The following PTPN4 variants were observed in gnomAD, a reference collection of about 807,000 sequenced individuals.
The protein encoded by PTPN4 is tyrosine-protein phosphatase non-receptor type 4.
In PTPN4, 49 loss-of-function variants were observed where a neutral mutation model predicts 135.5. The observed-to-expected ratio is 0.36, with a 90% confidence interval of 0.29 to 0.46. PTPN4 has a LOEUF of 0.46. PTPN4 is among the 20% of genes least tolerant of loss of function. The probability of loss-of-function intolerance (pLI) is 1.00; values close to 1 mark genes in which losing one functional copy is unlikely to be tolerated. For synonymous variants in PTPN4, 333 were observed against 369.9 expected, an observed-to-expected ratio of 0.90 and a Z score of 1.14; for missense variants, 860 against 1,101.0, an observed-to-expected ratio of 0.78 and a Z score of 3.10.
At chr2:119,837,902 G>C (rs775780033) in intron 2 of PTPN4, among the ~76,000 whole-genome samples, 2 of 152,224 alleles carry the variant, frequency 1.3e-5, no homozygotes, top group Non-Finnish European at 2.9e-5. Flanking sequence ...GCCTGGGGCT[G>C]CCTGCCCTGG....
At chr2:119,913,609 G>A (rs1194825749) in intron 10 of PTPN4, among the ~76,000 whole-genome samples, 2 of 152,122 alleles carry the variant, frequency 1.3e-5, no homozygotes, top group Non-Finnish European at 2.9e-5. Context: ...GGGCAACATA[G>A]CGAAACCATG....
chr2:119,965,713 T>C (rs998150523), intron 25 of PTPN4, 68 bp downstream of exon 25: 31 of 1,509,836 alleles, frequency 2.1e-5, no homozygotes, highest in Non-Finnish European at 2.8e-5. Context: ...AGAGAGTACA[T>C]ATTTTGTCCT....
chr2:119,766,446 G>GCGCGCGCGCA (rs1173371228), intron 1 of PTPN4, among the ~76,000 whole-genome samples: 1 of 74,350 alleles, frequency 1.3e-5, no homozygotes, highest in African/African-American at 4.7e-5. Context: ...GCGCATGTGC[G>GCGCGCGCGCA]CGCGTGTGTG....
intron 13 of PTPN4, 82 bp downstream of exon 13, chr2:119,926,748 C>T: frequency 9.2e-7 from 1 of 1,085,348 alleles, no homozygotes; most frequent in South Asian, 1.6e-5. Context: ...AATATTTTTT[C>T]TAAAGTTTTT....
rs372266298 is a variant in PTPN4 at position 119,836,698 on chromosome 2, G to A, written c.139-25838G>A. Among the ~76,000 whole-genome samples, 10 of 152,362 alleles carry A rather than the reference G, an allele frequency of 6.6e-5. No homozygotes were observed. In the South Asian group the frequency reaches 2.1e-3, roughly 32 times the overall value. Reference sequence around the variant, plus strand: ...TCCAGGAAGCCCCTCAGCCCCTGCAGGCTTGGAAGTACCTGCTCCCACTGC... The same window carrying A: ...TCCAGGAAGCCCCTCAGCCCCTGCAAGCTTGGAAGTACCTGCTCCCACTGC... On this transcript the variant is annotated intron_variant, in intron 2 of 26. Coordinates refer to ENST00000263708, the MANE Select transcript of PTPN4 (RefSeq NM_002830.4).
chr2:119,836,210 T>C (rs191363543), intron 2 of PTPN4, among the ~76,000 whole-genome samples: 1 of 152,330 alleles, frequency 6.6e-6, no homozygotes, highest in African/African-American at 2.4e-5. Flanking sequence ...ACTTCATATG[T>C]GTATGACGAA....
Position 119,835,716 on chromosome 2 carries a change from G to GT in PTPN4, c.138+25731dup, listed in dbSNP as rs562057836. 6.7e-3 allele frequency among the ~76,000 whole-genome samples: 1,021 copies of GT among 152,162 alleles called. 6 individuals are homozygous for GT. The highest frequency in any genetic ancestry group is 8.5e-3 in the Non-Finnish European group (576 of 67,994). ...CCTGCCCAACCTATTAAATAATTATGTTTTTTCTTATATGGAAAATAGTCC... is the reference window on the plus strand; with the variant it reads ...CCTGCCCAACCTATTAAATAATTATGTTTTTTTCTTATATGGAAAATAGTCC... On this transcript the variant is annotated intron_variant, in intron 2 of 26. Transcript: ENST00000263708.
intron 8 of PTPN4, among the ~76,000 whole-genome samples, chr2:119,884,435 G>A (rs1678125170): frequency 1.3e-5 from 2 of 152,146 alleles, no homozygotes; most frequent in Non-Finnish European, 2.9e-5. Flanking sequence ...TGTCCTAAAA[G>A]CCTACAATAT....
At chr2:119,855,988 T>G (rs1419286884) in intron 2 of PTPN4, among the ~76,000 whole-genome samples, 1 of 151,968 alleles carries the variant, frequency 6.6e-6, no homozygotes. Flanking sequence ...GTATTTTTAG[T>G]GGAGACGGGG....
Position 119,782,086 on chromosome 2 carries a change from A to T in PTPN4, c.-18+21702A>T, listed in dbSNP as rs374540351. Among the ~76,000 whole-genome samples, 6 of 152,306 alleles carry T rather than the reference A, an allele frequency of 3.9e-5. No homozygotes were observed. In the East Asian group the frequency reaches 1.2e-3, roughly 29 times the overall value. ...CTGTAGTCCCACACTGTCCAGTAGG[A>T]TAACCACTAGCCAAATGTAGCCATT... On this transcript the variant is annotated intron_variant, in intron 1 of 26. Coordinates refer to ENST00000263708, the MANE Select transcript of PTPN4 (RefSeq NM_002830.4).
chr2:119,778,505 T>G (rs1276388623), intron 1 of PTPN4, among the ~76,000 whole-genome samples: 1 of 152,196 alleles, frequency 6.6e-6, no homozygotes, highest in Non-Finnish European at 1.5e-5. Context: ...CATACTTACG[T>G]GAATAAACAG....
intron 26 of PTPN4, among the ~76,000 whole-genome samples, chr2:119,969,647 C>T (rs952640571): frequency 6.6e-6 from 1 of 151,328 alleles, no homozygotes; most frequent in African/African-American, 2.4e-5. Context: ...CAAGCTCCGC[C>T]TCCCGGGATC....
chr2:119,801,879 G>C (rs144482566), intron 1 of PTPN4, among the ~76,000 whole-genome samples: 1,456 of 118,418 alleles, frequency 0.012, 33 homozygotes, highest in Admixed American at 0.062. Context: ...TTCTTTTTCT[G>C]TTTTTTCTTT....
intron 3 of PTPN4, among the ~76,000 whole-genome samples, chr2:119,872,316 T>C (rs1677924618): frequency 6.6e-6 from 1 of 152,078 alleles, no homozygotes; most frequent in Non-Finnish European, 1.5e-5. Flanking sequence ...TAGTAAGAAA[T>C]AGGATTGATT....
At chr2:119,917,049 A>C (rs959530006) in intron 11 of PTPN4, among the ~76,000 whole-genome samples, 9 of 152,196 alleles carry the variant, frequency 5.9e-5, no homozygotes, top group Non-Finnish European at 1.3e-4. Flanking sequence ...ATTTTACTTT[A>C]AGTAATCATA....
intron 2 of PTPN4, among the ~76,000 whole-genome samples, chr2:119,844,224 C>G (rs546796606): frequency 8.4e-6 from 1 of 119,548 alleles, no homozygotes; most frequent in African/African-American, 3.4e-5. Flanking sequence ...CCAGTAGGGG[C>G]GGGCGGGCAG....
intron 2 of PTPN4, among the ~76,000 whole-genome samples, chr2:119,834,300 A>G (rs1169062317): frequency 6.6e-6 from 1 of 152,048 alleles, no homozygotes; most frequent in Non-Finnish European, 1.5e-5. Context: ...CCTCTCCCCA[A>G]AATTCACACA....
chr2:119,814,285 C>T (rs1294415692), intron 2 of PTPN4, among the ~76,000 whole-genome samples: 1 of 152,104 alleles, frequency 6.6e-6, no homozygotes, highest in Non-Finnish European at 1.5e-5. Context: ...ACAATACAGG[C>T]AGTATAATCT....
intron 15 of PTPN4, among the ~76,000 whole-genome samples, chr2:119,939,788 A>G (rs1353910722): frequency 6.6e-6 from 1 of 152,154 alleles, no homozygotes; most frequent in Non-Finnish European, 1.5e-5. Context: ...TCTACAACTC[A>G]GTTGTCCCCA....
Sources: allele counts gnomAD v4.1 joint callset (sites outside exome capture counted in the v4.1 genomes callset), GRCh38; gene constraint gnomAD v4.1.1; transcripts MANE v1.5; gene names NCBI Gene and HGNC (gene_info 2026-07-23, HGNC 2026-07-21).